Variants in PAM observed in about 807,000 individuals in gnomAD.
The protein encoded by PAM is peptidylglycine alpha-amidating monooxygenase, also known as peptidyl-glycine alpha-amidating monooxygenase.
Under a neutral mutation model 122.1 loss-of-function variants are expected in PAM, and 72 were observed. The observed-to-expected ratio is 0.59, with a 90% CI of 0.49 to 0.72. PAM has a LOEUF of 0.72. PAM is among the 30% of genes least tolerant of loss of function. The pLI, the probability that PAM is intolerant of heterozygous loss-of-function variation, is 0.00. For missense variants in PAM, 1,106 were observed against 1,183.7 expected (o/e 0.93, Z 0.96); for synonymous variants, 389 against 404.4 (o/e 0.96, Z 0.46).
chr5:102,775,676 CT>C (rs1162203445), intron 1 of PAM, among the ~76,000 whole-genome samples: 2 of 152,078 alleles, frequency 1.3e-5, no homozygotes, highest in Non-Finnish European at 2.9e-5. Context: ...GATCTCATTC[CT>C]TTTTATGGCT....
intron 5 of PAM, among the ~76,000 whole-genome samples, chr5:102,923,749 C>T (rs553501482): frequency 6.6e-6 from 1 of 152,162 alleles, no homozygotes; most frequent in Non-Finnish European, 1.5e-5. Context: ...CATATAGGAA[C>T]TGGGCCTTTG....
intron 15 of PAM, chr5:102,987,675 T>C (rs1263194353): frequency 5.6e-6 from 2 of 356,072 alleles, no homozygotes; most frequent in Admixed American, 8.0e-5. Context: ...AACATGTTTC[T>C]AAACCTTCAG....
chr5:102,838,664 G>T (rs997844300), intron 1 of PAM: 3 of 152,070 alleles, frequency 2.0e-5, no homozygotes, highest in Non-Finnish European at 2.9e-5. Context: ...GGGAATAGTT[G>T]TTTCATAATG....
At chr5:102,867,442 ATAAT>A (rs1785971378) in intron 3 of PAM, 49 bp downstream of exon 3, 1 of 1,446,970 alleles carries the variant, frequency 6.9e-7, no homozygotes, top group East Asian at 2.3e-5. Context: ...GATACAATCT[ATAAT>A]TAAAGTAAGG....
At chr5:102,793,162 C>T (rs916503217) in intron 1 of PAM, among the ~76,000 whole-genome samples, 3 of 152,084 alleles carry the variant, frequency 2.0e-5, no homozygotes, top group Admixed American at 6.6e-5. Context: ...AGATTCTTTG[C>T]GTTTAAAATT....
chr5:102,884,153 C>T (rs544096817), intron 3 of PAM, among the ~76,000 whole-genome samples: 4 of 151,688 alleles, frequency 2.6e-5, no homozygotes, highest in East Asian at 1.9e-4. Context: ...GTTCCCTTGG[C>T]GAGGTAGCAA....
chr5:102,810,673 AC>A (rs1242050150), intron 1 of PAM, among the ~76,000 whole-genome samples: 1 of 152,060 alleles, frequency 6.6e-6, no homozygotes, highest in African/African-American at 2.4e-5. Flanking sequence ...TACTAAAAAT[AC>A]AAAATTAGTC....
Position 103,028,206 on chromosome 5 carries a change from C to G in PAM, c.2711C>G (p.Thr904Arg), listed in dbSNP as rs113740014. ...GCAGATTCTGAACACAAACTCGAGA[C>G]GAGTTCAGGAAGAGTACTGGGAAGA... ...AFGDSEHKLE[T>R]SSGRVLGRFR... The change falls in exon 25 of 26, where the codon ACG becomes AGG. Residue 904 changes from threonine to arginine, a missense_variant. Coordinates refer to ENST00000438793, the MANE Select transcript of PAM (RefSeq NM_001177306.2). 1.9e-6 allele frequency: 3 copies of G among 1,612,462 alleles called. No individual in the cohort carries two copies. The highest frequency in any genetic ancestry group is 2.2e-5 in the South Asian group (2 of 90,934).
At chr5:102,812,166 C>T (rs1481259059) in intron 1 of PAM, among the ~76,000 whole-genome samples, 1 of 152,102 alleles carries the variant, frequency 6.6e-6, no homozygotes, top group East Asian at 1.9e-4. Flanking sequence ...GCAGATGAAT[C>T]TGACAGTTAT....
intron 1 of PAM, among the ~76,000 whole-genome samples, chr5:102,823,844 T>C (rs931012339): frequency 2.6e-5 from 4 of 152,144 alleles, no homozygotes; most frequent in African/African-American, 9.7e-5. Flanking sequence ...TCTGAACTTG[T>C]TATATGCAGG....
At chr5:102,894,781 A>G (rs528501524) in intron 3 of PAM, among the ~76,000 whole-genome samples, 1 of 151,846 alleles carries the variant, frequency 6.6e-6, no homozygotes, top group African/African-American at 2.4e-5. Context: ...TATGCAAGCC[A>G]GAAATCCAGG....
At chr5:102,819,716 A>G (rs1771097774) in intron 1 of PAM, among the ~76,000 whole-genome samples, 1 of 152,178 alleles carries the variant, frequency 6.6e-6, no homozygotes, top group Non-Finnish European at 1.5e-5. Context: ...TACTATATAT[A>G]GGGATTTCTC....
intron 15 of PAM, among the ~76,000 whole-genome samples, chr5:102,976,834 G>C (rs2303653): frequency 1.3e-5 from 2 of 152,060 alleles, no homozygotes; most frequent in East Asian, 1.9e-4. Flanking sequence ...ACTTGGACTT[G>C]ATTATTTCCA....
At position 103,025,290 on chromosome 5, in the gene PAM, C is replaced by A. The variant is rs774155541; in HGVS notation, c.2645C>A (p.Ala882Asp). Residue 882 changes from alanine to aspartate, a missense_variant, in exon 24 of 26, where the codon GCC becomes GAC. Around this residue, in one of 3 missense-constraint regions of PAM, gnomAD observed 333 missense variants for 335.6 expected, o/e 0.99. Coordinates refer to ENST00000438793, the MANE Select transcript of PAM (RefSeq NM_001177306.2). ...LLVIPVVVLL[A>D]IAIFIRWKKS... Reference sequence around the variant, plus strand: ...GTTATTCCGGTGGTTGTCCTGCTGGCCATTGCCATATTTATTCGGTGGAAA... The same window carrying A: ...GTTATTCCGGTGGTTGTCCTGCTGGACATTGCCATATTTATTCGGTGGAAA... The A allele has an allele frequency of 1.2e-6, 2 of 1,613,666 alleles. No homozygotes were observed. Among genetic ancestry groups the A allele is most frequent in the Non-Finnish European group, 8.5e-7 (1 of 1,179,684 alleles).
At chr5:102,845,956 C>T (rs1046248234) in intron 1 of PAM, among the ~76,000 whole-genome samples, 3 of 152,154 alleles carry the variant, frequency 2.0e-5, no homozygotes, top group African/African-American at 7.2e-5. Flanking sequence ...TGCATTTGCT[C>T]ATGGGTCAAC....
At chr5:102,931,873 G>A (rs1751662670) in intron 7 of PAM, among the ~76,000 whole-genome samples, 2 of 151,678 alleles carry the variant, frequency 1.3e-5, no homozygotes, top group African/African-American at 2.4e-5. Context: ...TCACAGCCCT[G>A]TATGTACACC....
intron 16 of PAM, among the ~76,000 whole-genome samples, chr5:102,998,817 A>C (rs1182765275): frequency 6.6e-6 from 1 of 152,216 alleles, no homozygotes; most frequent in African/African-American, 2.4e-5. Flanking sequence ...TTAGATTGCC[A>C]TTGTGCCTTT....
intron 1 of PAM, among the ~76,000 whole-genome samples, chr5:102,771,106 C>CCAGTTT (rs1561399372): frequency 6.6e-6 from 1 of 151,992 alleles, no homozygotes; most frequent in Non-Finnish European, 1.5e-5. Context: ...AACAAAAAAG[C>CCAGTTT]CAGTTTTCGT....
At chr5:102,862,736 G>A (rs892893919) in intron 1 of PAM, among the ~76,000 whole-genome samples, 1 of 152,156 alleles carries the variant, frequency 6.6e-6, no homozygotes, top group Non-Finnish European at 1.5e-5. Context: ...AGTTTTTGCT[G>A]GCAACAGCCC....
Sources: gnomAD v4.1 joint callset for allele counts (sites outside exome capture counted in the v4.1 genomes callset) on GRCh38, gnomAD v4.1.1 for gene constraint, gnomAD v4.1.1 regional missense constraint, MANE v1.5 for transcripts, NCBI Gene and HGNC (gene_info 2026-07-23, HGNC 2026-07-21) for gene names.